PPP1R13B: variants seen among roughly 807,000 people sequenced by gnomAD.
PPP1R13B encodes the protein apoptosis-stimulating of p53 protein 1.
Under a neutral mutation model 119.8 loss-of-function variants are expected in PPP1R13B, and 44 were observed. The ratio of observed to expected loss-of-function variants is 0.37; its 90% confidence interval spans 0.29 to 0.47. PPP1R13B has a LOEUF of 0.47. Among genes scored for constraint, PPP1R13B ranks in the 20% least tolerant of loss-of-function variants. PPP1R13B has a pLI of 0.99. For missense variants in PPP1R13B, 1,227 were observed against 1,413.5 expected (o/e 0.87, Z 2.12); for synonymous variants, 542 against 561.5 (o/e 0.97, Z 0.49).
chr14:103,786,452 A>G (rs2085463771), intron 2 of PPP1R13B, among the ~76,000 whole-genome samples: 1 of 152,052 alleles, frequency 6.6e-6, no homozygotes. Flanking sequence ...TGTCTCAGGT[A>G]TTATGCCTAT....
intron 1 of PPP1R13B, among the ~76,000 whole-genome samples, chr14:103,807,133 A>AG (rs1194625559): frequency 2.0e-5 from 3 of 152,198 alleles, no homozygotes; most frequent in Admixed American, 1.3e-4. Context: ...CTCCTGCCTC[A>AG]GGGGCTTTGC....
chr14:103,801,838 T>C (rs1411368717), intron 1 of PPP1R13B, among the ~76,000 whole-genome samples: 1 of 152,200 alleles, frequency 6.6e-6, no homozygotes, highest in African/African-American at 2.4e-5. Context: ...TGAAGTAAGA[T>C]ATATCCAGTC....
At chr14:103,835,185 T>C (rs1425846495) in intron 1 of PPP1R13B, among the ~76,000 whole-genome samples, 1 of 152,106 alleles carries the variant, frequency 6.6e-6, no homozygotes, top group East Asian at 1.9e-4. Context: ...TACAATGGCA[T>C]GAAGACGGCT....
At chr14:103,778,191 G>A (rs188608261) in intron 4 of PPP1R13B, among the ~76,000 whole-genome samples, 90 of 149,720 alleles carry the variant, frequency 6.0e-4, no homozygotes, top group South Asian at 1.5e-3. Flanking sequence ...TGACCTCAGG[G>A]GATCTGCCCG....
intron 3 of PPP1R13B, among the ~76,000 whole-genome samples, chr14:103,782,336 G>A (rs1044474841): frequency 4.6e-5 from 7 of 152,136 alleles, no homozygotes; most frequent in Non-Finnish European, 7.3e-5. Flanking sequence ...CATTATTTAC[G>A]GCTGCAGAGC....
chr14:103,766,512 T>C (rs886672126), intron 4 of PPP1R13B, among the ~76,000 whole-genome samples: 1 of 152,200 alleles, frequency 6.6e-6, no homozygotes, highest in Non-Finnish European at 1.5e-5. Context: ...TATCCGTGGT[T>C]GCTCCTAATC....
chr14:103,830,668 C>T (rs1230445907), intron 1 of PPP1R13B, among the ~76,000 whole-genome samples: 1 of 152,168 alleles, frequency 6.6e-6, no homozygotes, highest in African/African-American at 2.4e-5. Context: ...AAACCCCAGC[C>T]ATCTATAATC....
chr14:103,812,679 T>C (rs1378749093), intron 1 of PPP1R13B, among the ~76,000 whole-genome samples: 1 of 152,152 alleles, frequency 6.6e-6, no homozygotes, highest in Admixed American at 6.6e-5. Flanking sequence ...TCAGCCAAGG[T>C]GCTAGGATTA....
chr14:103,740,669 G>A lies in PPP1R13B; in HGVS notation c.1823-76C>T. On this transcript the variant is annotated intron_variant, in intron 11 of 16. Transcript: ENST00000202556. This position sits in a 1 kb window ranked among gnomAD's most constrained non-coding sequence, Gnocchi z 4.6. ...GTCATACACACCTATGATTACACCAGAGACAGGCTCCTGCAAAGACACACA... is the reference window on the plus strand; with the variant it reads ...GTCATACACACCTATGATTACACCAAAGACAGGCTCCTGCAAAGACACACA... The A allele has an allele frequency of 2.4e-6, 3 of 1,251,610 alleles. No individual in the cohort carries two copies. The South Asian group carries it at 6.7e-5, about 28-fold the overall frequency. The allele number at this position is 1,251,610 out of a possible 1,614,324, so 77.5% of individuals were successfully genotyped here. A position where few individuals can be genotyped will look rare whatever the true frequency, so the allele number is the denominator to read the frequency against.
chr14:103,827,252 T>C (rs1335759126), intron 1 of PPP1R13B, among the ~76,000 whole-genome samples: 1 of 150,208 alleles, frequency 6.7e-6, no homozygotes, highest in East Asian at 2.0e-4. Flanking sequence ...AGGAGAATGG[T>C]GTGAACCCGG....
chr14:103,842,622 A>T (rs1381131921), intron 1 of PPP1R13B, among the ~76,000 whole-genome samples: 1 of 151,806 alleles, frequency 6.6e-6, no homozygotes, highest in Non-Finnish European at 1.5e-5. Context: ...TTCTTTATGA[A>T]GAGAAAACAC....
chr14:103,847,176 A>G (rs2087067082), intron 1 of PPP1R13B, 123 bp downstream of exon 1: 1 of 998,756 alleles, frequency 1.0e-6, no homozygotes, highest in South Asian at 4.6e-5. Context: ...CCGCCCAGCC[A>G]CTTCCTTCCC....
chr14:103,749,176 A>G lies in PPP1R13B; in HGVS notation c.969+618T>C, dbSNP rs533528543. 5.1e-4 allele frequency among the ~76,000 whole-genome samples: 78 copies of G among 152,308 alleles called. 1 individual carries two copies. Among genetic ancestry groups the G allele is most frequent in the Non-Finnish European group, 9.1e-4 (62 of 68,022 alleles). On this transcript the variant is annotated intron_variant, in intron 8 of 16. Transcript: ENST00000202556. Reference sequence around the variant, plus strand: ...CATTTTTTCAATGAGCATTTATTCAATGAGTATTTTATCGTATTATTTTTT... The same window carrying G: ...CATTTTTTCAATGAGCATTTATTCAGTGAGTATTTTATCGTATTATTTTTT...
rs1486813550 is a variant in PPP1R13B, at chr14:103,847,534, G to C, written c.-227C>G. 6.1e-6 allele frequency: 6 copies of C among 985,770 alleles called. No individual in the cohort carries two copies. Among genetic ancestry groups the C allele is most frequent in the Non-Finnish European group, 7.2e-6 (6 of 831,076 alleles). 61.1% of individuals were successfully genotyped at this position (985,770 alleles called of 1,614,324 possible). ...CGGGCACCCGGCCGCCGCCGCCGCC[G>C]CCTCAACCTCAGCCTCAGCCTCAGC... On this transcript the variant is annotated 5_prime_UTR_variant, in exon 1 of 17. Coordinates refer to ENST00000202556, the MANE Select transcript of PPP1R13B (RefSeq NM_015316.3).
chr14:103,838,674 G>A lies in PPP1R13B; in HGVS notation c.9+8625C>T, dbSNP rs545818485. On this transcript the variant is annotated intron_variant, in intron 1 of 16. Transcript: ENST00000202556. ...TGGAGTTGGCTAAGGCAGAGACGGT[G>A]AAAACTTTCCAGAGGAAATAACAGA... Among the ~76,000 whole-genome samples the A allele has an allele frequency of 2.6e-5, 4 of 152,296 alleles. No individual in the cohort carries two copies. The East Asian group carries it at 7.7e-4, about 29-fold the overall frequency.
chr14:103,736,208 G>A lies in PPP1R13B; in HGVS notation c.3032-6C>T, dbSNP rs956549165. The A allele has an allele frequency of 1.5e-5, 24 of 1,612,574 alleles. No individual in the cohort carries two copies. Among genetic ancestry groups the A allele is most frequent in the Non-Finnish European group, 2.0e-5 (24 of 1,179,756 alleles). The stretch of plus-strand genomic sequence containing the variant: ...ACCCAGCTTTTCCTGCACCCCTGGA[G>A]CCAGAGAGCAATGGTCAGGCCTCAG... On this transcript the variant is annotated splice_region_variant and splice_polypyrimidine_tract_variant and intron_variant, in intron 15 of 16. Coordinates refer to ENST00000202556, the MANE Select transcript of PPP1R13B (RefSeq NM_015316.3).
chr14:103,816,691 T>C (rs2152064991), intron 1 of PPP1R13B, among the ~76,000 whole-genome samples: 1 of 151,150 alleles, frequency 6.6e-6, no homozygotes, highest in Middle Eastern at 3.4e-3. Context: ...AAAAAAATTA[T>C]TTCCTTTCAT....
At chr14:103,847,691 AG>A (rs1278543238), upstream of PPP1R13B, 1 of 903,864 alleles carries the variant, frequency 1.1e-6, no homozygotes, top group East Asian at 1.2e-4. Flanking sequence ...GGGCGGGGAG[AG>A]GGGCGGGGCT....
At chr14:103,810,752 CAG>C (rs1380195257) in intron 1 of PPP1R13B, among the ~76,000 whole-genome samples, 6 of 149,906 alleles carry the variant, frequency 4.0e-5, no homozygotes, top group African/African-American at 1.2e-4. Context: ...GCCTGGATGA[CAG>C]AGCGAGACTC....
Sources: allele counts gnomAD v4.1 joint callset (sites outside exome capture counted in the v4.1 genomes callset), GRCh38; gene constraint gnomAD v4.1.1; non-coding constraint Gnocchi (gnomAD v3.1); transcripts MANE v1.5; gene names NCBI Gene and HGNC (gene_info 2026-07-23, HGNC 2026-07-21).